Variants in RNF182 observed in about 807,000 individuals in gnomAD.
RNF182 encodes the protein ring finger protein 182, also known as E3 ubiquitin-protein ligase RNF182.
In RNF182, 15 loss-of-function variants were observed where a neutral mutation model predicts 14.4. The observed-to-expected ratio is 1.04, with a 90% confidence interval of 0.70 to 1.60. The LOEUF (loss-of-function observed/expected upper bound fraction) is 1.60, where lower values mean the gene tolerates loss of function less well. Among genes scored for constraint, RNF182 ranks in the 40% most tolerant of loss-of-function variants. RNF182 has a pLI of 0.00. For missense variants in RNF182, 268 were observed against 294.8 expected (o/e 0.91, Z 0.67); for synonymous variants, 128 against 122.9 (o/e 1.04, Z -0.27).
chr6:13,958,502 G>A (rs1759785047), intron 1 of RNF182, among the ~76,000 whole-genome samples: 1 of 152,168 alleles, frequency 6.6e-6, no homozygotes, highest in Non-Finnish European at 1.5e-5. Context: ...GAAGGGTGTG[G>A]TATACCATTC....
At chr6:13,929,106 A>G (rs1203565111) in intron 1 of RNF182, among the ~76,000 whole-genome samples, 1 of 152,152 alleles carries the variant, frequency 6.6e-6, no homozygotes, top group Non-Finnish European at 1.5e-5. Flanking sequence ...ACTCTCTTGA[A>G]TTGTGGTTTA....
Position 13,974,290 on chromosome 6 carries a change from G to A in RNF182, c.-286G>A, listed in dbSNP as rs895180661. On this transcript the variant is annotated 5_prime_UTR_variant, in exon 2 of 3. Coordinates refer to ENST00000488300, the MANE Select transcript of RNF182 (RefSeq NM_152737.4). ...TCACCTGGTCTTGCCCAGAAGAGCC[G>A]TTCTTAGAGGCAGGACTTGATGAAG... is the stretch of plus-strand genomic sequence containing the variant. 6.6e-5 allele frequency: 10 copies of A among 152,144 alleles called. No homozygotes were observed. The highest frequency in any genetic ancestry group is 2.1e-4 in the South Asian group (1 of 4,824). The allele number at this position is 152,144 out of a possible 1,614,324, so 9.4% of individuals were successfully genotyped here.
chr6:13,947,545 T>G (rs549965275), intron 1 of RNF182, among the ~76,000 whole-genome samples: 15 of 152,212 alleles, frequency 9.9e-5, no homozygotes, highest in Non-Finnish European at 2.2e-4. Flanking sequence ...TATAATCTAA[T>G]CTTAGATTAG....
At chr6:13,944,331 G>A (rs1261590300) in intron 1 of RNF182, among the ~76,000 whole-genome samples, 1 of 152,152 alleles carries the variant, frequency 6.6e-6, no homozygotes, top group African/African-American at 2.4e-5. Flanking sequence ...TCTCAGGTAG[G>A]CATGTTAAGG....
At chr6:13,926,724 AC>A (rs763637046) in intron 1 of RNF182, among the ~76,000 whole-genome samples, 3 of 152,134 alleles carry the variant, frequency 2.0e-5, no homozygotes, top group Non-Finnish European at 4.4e-5. Flanking sequence ...CATTATATAG[AC>A]AGAGAATGTA....
chr6:13,937,114 T>C (rs1186383681), intron 1 of RNF182, among the ~76,000 whole-genome samples: 1 of 152,238 alleles, frequency 6.6e-6, no homozygotes, highest in East Asian at 1.9e-4. Context: ...TGTTTTGTGT[T>C]GTATGTATCT....
intron 1 of RNF182, among the ~76,000 whole-genome samples, chr6:13,964,068 C>T (rs765355949): frequency 6.7e-5 from 10 of 149,422 alleles, no homozygotes; most frequent in African/African-American, 2.2e-4. Flanking sequence ...AAGAAAAACA[C>T]GAATTTTTTA....
intron 1 of RNF182, among the ~76,000 whole-genome samples, chr6:13,953,155 T>C (rs1026242049): frequency 3.9e-5 from 6 of 152,200 alleles, no homozygotes; most frequent in Admixed American, 3.9e-4. Flanking sequence ...TAACTGTTAA[T>C]ATCCTGTGAC....
At chr6:13,928,870 T>G in intron 1 of RNF182, among the ~76,000 whole-genome samples, 1 of 139,460 alleles carries the variant, frequency 7.2e-6, no homozygotes, top group Admixed American at 7.2e-5. Context: ...GGGGGTGCGG[T>G]GGTGGTGGTT....
intron 1 of RNF182, among the ~76,000 whole-genome samples, chr6:13,935,157 G>A (rs1040248358): frequency 1.3e-5 from 2 of 152,196 alleles, no homozygotes; most frequent in African/African-American, 4.8e-5. Context: ...GGGCAAGATT[G>A]GTAGCAGGGA....
intron 1 of RNF182, among the ~76,000 whole-genome samples, chr6:13,955,477 A>C (rs1759703923): frequency 6.6e-6 from 1 of 152,230 alleles, no homozygotes; most frequent in Non-Finnish European, 1.5e-5. Flanking sequence ...TATGTTCCTC[A>C]CATCTTCCAA....
At chr6:13,966,803 A>T (rs1027911560) in intron 1 of RNF182, among the ~76,000 whole-genome samples, 2 of 125,008 alleles carry the variant, frequency 1.6e-5, no homozygotes, top group East Asian at 5.2e-4. Flanking sequence ...AAAACCCAGT[A>T]GTATGCTGTT....
chr6:13,947,784 C>T (rs1023238550), intron 1 of RNF182, among the ~76,000 whole-genome samples: 1 of 152,088 alleles, frequency 6.6e-6, no homozygotes, highest in Non-Finnish European at 1.5e-5. Flanking sequence ...TTCCTTAAAC[C>T]AGTTTGTTTA....
At chr6:13,935,407 A>C (rs944108667) in intron 1 of RNF182, among the ~76,000 whole-genome samples, 11 of 151,906 alleles carry the variant, frequency 7.2e-5, no homozygotes, top group African/African-American at 2.4e-4. Flanking sequence ...TCCATATTTC[A>C]CACACACAAG....
chr6:13,967,801 C>G (rs1202229829), intron 1 of RNF182, among the ~76,000 whole-genome samples: 3 of 152,162 alleles, frequency 2.0e-5, no homozygotes, highest in Admixed American at 2.0e-4. Context: ...TCCTAAGGCT[C>G]AAGTGATTCT....
intron 1 of RNF182, among the ~76,000 whole-genome samples, chr6:13,950,569 C>T (rs1346791626): frequency 7.1e-6 from 1 of 140,348 alleles, no homozygotes; most frequent in African/African-American, 2.6e-5. Flanking sequence ...ACAATCTTGG[C>T]TCCCTGCAAC....
In RNF182 at chr6:13,963,188, G is replaced by A. The variant is rs1037087405; in HGVS notation, c.-366-11022G>A. Among the ~76,000 whole-genome samples the A allele has an allele frequency of 8.5e-5, 13 of 152,240 alleles. 1 individual carries two copies. Among genetic ancestry groups the A allele is most frequent in the African/African-American group, 2.9e-4 (12 of 41,546 alleles). ...AGTTATCATAATACAAATTATTAAA[G>A]TTTATGCATGGAAGAATACATAGAA... On this transcript the variant is annotated intron_variant, in intron 1 of 2. Coordinates refer to ENST00000488300, the MANE Select transcript of RNF182 (RefSeq NM_152737.4).
chr6:13,972,883 G>C (rs1236126260), intron 1 of RNF182, among the ~76,000 whole-genome samples: 1 of 152,178 alleles, frequency 6.6e-6, no homozygotes, highest in East Asian at 1.9e-4. Context: ...GTCCCCACTG[G>C]GGCACTGCCT....
intron 1 of RNF182, among the ~76,000 whole-genome samples, chr6:13,931,653 T>C (rs534112230): frequency 9.3e-5 from 14 of 149,786 alleles, no homozygotes; most frequent in South Asian, 4.3e-4. Flanking sequence ...TTTTTTCTCT[T>C]TTTTTTTTAA....
Sources: gnomAD v4.1 joint callset for allele counts (sites outside exome capture counted in the v4.1 genomes callset) on GRCh38, gnomAD v4.1.1 for gene constraint, MANE v1.5 for transcripts, NCBI Gene and HGNC (gene_info 2026-07-23, HGNC 2026-07-21) for gene names.